Variants in UBLCP1 observed in about 807,000 individuals in gnomAD.
UBLCP1 encodes the protein ubiquitin-like domain-containing CTD phosphatase 1.
A neutral mutation model predicts 42.4 loss-of-function variants in UBLCP1; 28 were observed. That is an observed-to-expected ratio of 0.66 (90% CI 0.49 to 0.90). The LOEUF (loss-of-function observed/expected upper bound fraction) is 0.90, where lower values mean the gene tolerates loss of function less well. Ranked by LOEUF, UBLCP1 falls within the 40% of genes least tolerant of loss-of-function variation. The probability of loss-of-function intolerance (pLI) is 0.00; values close to 1 mark genes in which losing one functional copy is unlikely to be tolerated. For missense variants in UBLCP1, 279 were observed against 374.5 expected (o/e 0.75, Z 2.10); for synonymous variants, 122 against 120.8 (o/e 1.01, Z -0.07).
At position 159,263,330 on chromosome 5, in the gene UBLCP1, G is replaced by A. The variant is rs1753324058; in HGVS notation, c.-77G>A. ...CGGTCTCTCAGCGGCCGGTTTCTGCGTCCGCTGCCGCAGGTTCCACCGCGC... is the reference window on the plus strand; with the variant it reads ...CGGTCTCTCAGCGGCCGGTTTCTGCATCCGCTGCCGCAGGTTCCACCGCGC... On this transcript the variant is annotated 5_prime_UTR_variant, in exon 1 of 11. Coordinates refer to ENST00000296786, the MANE Select transcript of UBLCP1 (RefSeq NM_145049.5). 6.6e-6 allele frequency: 1 copy of A among 152,314 alleles called. No homozygotes were observed. Among genetic ancestry groups the A allele is most frequent in the Non-Finnish European group, 1.5e-5 (1 of 68,068 alleles). 9.4% of individuals were successfully genotyped at this position (152,314 alleles called of 1,614,324 possible). A position where few individuals can be genotyped will look rare whatever the true frequency, so the allele number is the denominator to read the frequency against.
intron 5 of UBLCP1, among the ~76,000 whole-genome samples, 169 bp from the exon 6 acceptor site, chr5:159,271,854 T>A (rs1753470605): frequency 6.6e-6 from 1 of 152,232 alleles, no homozygotes; most frequent in Non-Finnish European, 1.5e-5. Flanking sequence ...GATTTTAAAT[T>A]GTGTTTTGAA....
intron 1 of UBLCP1, among the ~76,000 whole-genome samples, chr5:159,268,239 T>G (rs1447942813): frequency 1.3e-5 from 2 of 152,260 alleles, no homozygotes; most frequent in African/African-American, 2.4e-5. Flanking sequence ...TGGAACATAG[T>G]AAGCTTTTAG....
intron 10 of UBLCP1, 93 bp from the exon 11 acceptor site, chr5:159,284,811 G>C (rs1753650742): frequency 5.4e-6 from 7 of 1,298,566 alleles, no homozygotes; most frequent in Non-Finnish European, 7.8e-6. Flanking sequence ...GAAATGTTTT[G>C]TCATTAGAAC....
chr5:159,263,502 C>G (rs1753329676), intron 1 of UBLCP1, 142 bp downstream of exon 1: 1 of 152,488 alleles, frequency 6.6e-6, no homozygotes. Context: ...CGCCCAGGCC[C>G]CTAGCCCCGG....
At chr5:159,278,057 T>C (rs17052533) in intron 8 of UBLCP1, among the ~76,000 whole-genome samples, 181 bp from the exon 9 acceptor site, 39,958 of 152,200 alleles carry the variant, frequency 0.26, 5,944 homozygotes, top group South Asian at 0.32. Context: ...TCAGAAGTTT[T>C]AATATTGCAA....
chr5:159,277,989 G>A (rs549088060), intron 8 of UBLCP1, among the ~76,000 whole-genome samples: 6 of 152,144 alleles, frequency 3.9e-5, no homozygotes, highest in African/African-American at 7.2e-5. Flanking sequence ...AAATCTTCAC[G>A]TTAAAATTAT....
At chr5:159,270,707 TG>T (rs1753454344) in intron 5 of UBLCP1, 64 bp downstream of exon 5, 4 of 1,134,684 alleles carry the variant, frequency 3.5e-6, no homozygotes, top group South Asian at 3.6e-5. Context: ...TTCTTTTCTT[TG>T]TTTTTTTTTT....
chr5:159,271,997 ATTAT>A, intron 5 of UBLCP1, 22 bp from the exon 6 acceptor site: 3 of 1,530,718 alleles, frequency 2.0e-6, no homozygotes, highest in Non-Finnish European at 2.7e-6. Flanking sequence ...TAAACTAATA[ATTAT>A]TTATGATCAA....
chr5:159,267,145 G>A (rs1753406850), intron 1 of UBLCP1, among the ~76,000 whole-genome samples: 1 of 152,174 alleles, frequency 6.6e-6, no homozygotes, highest in Admixed American at 6.5e-5. Context: ...GACACTCAAT[G>A]CCAGCCCGTG....
Position 159,268,849 on chromosome 5 carries a change from CATT to C in UBLCP1, c.-46-20_-46-18del. 1 of 1,536,622 alleles carries C rather than the reference CATT, an allele frequency of 6.5e-7. No individual in the cohort carries two copies. On this transcript the variant is annotated intron_variant, in intron 1 of 10. Coordinates refer to ENST00000296786, the MANE Select transcript of UBLCP1 (RefSeq NM_145049.5). Reference sequence around the variant, plus strand: ...TAAACAGTATCTATTTTAACTTGTTCATTTTTGTCTTCCTTTCCAGGTATTTTT... The same window carrying C: ...TAAACAGTATCTATTTTAACTTGTTCTTTGTCTTCCTTTCCAGGTATTTTT...
At chr5:159,268,708 G>A (rs1342995415) in intron 1 of UBLCP1, among the ~76,000 whole-genome samples, 162 bp from the exon 2 acceptor site, 1 of 152,174 alleles carries the variant, frequency 6.6e-6, no homozygotes. Context: ...TTAACTTTGA[G>A]TCCTAGTATC....
intron 6 of UBLCP1, among the ~76,000 whole-genome samples, chr5:159,274,132 C>G (rs894871811): frequency 2.0e-5 from 3 of 152,122 alleles, no homozygotes; most frequent in Non-Finnish European, 4.4e-5. Context: ...TTCACTGAAC[C>G]TGACTAGCTG....
At chr5:159,281,069 G>A (rs2113322305) in intron 9 of UBLCP1, among the ~76,000 whole-genome samples, 1 of 152,290 alleles carries the variant, frequency 6.6e-6, no homozygotes, top group East Asian at 1.9e-4. Context: ...TAGGTGCATA[G>A]ATTTTCACCC....
rs1247556581 is a variant in UBLCP1, at chr5:159,285,109, A to G, written c.*178A>G. 4 of 595,282 alleles carry G rather than the reference A, an allele frequency of 6.7e-6. No individual in the cohort carries two copies. The highest frequency in any genetic ancestry group is 8.7e-6 in the Non-Finnish European group (3 of 344,596). 36.9% of individuals were successfully genotyped at this position (595,282 alleles called of 1,614,324 possible). On this transcript the variant is annotated 3_prime_UTR_variant, in exon 11 of 11. Coordinates refer to ENST00000296786, the MANE Select transcript of UBLCP1 (RefSeq NM_145049.5). ...TTTTTGAAGATGATAGCAATATGCT[A>G]AAAAATGCTTGTCCCCTATATGAAT...
At chr5:159,281,242 T>C (rs1753602138) in intron 9 of UBLCP1, among the ~76,000 whole-genome samples, 1 of 152,242 alleles carries the variant, frequency 6.6e-6, no homozygotes, top group Non-Finnish European at 1.5e-5. Flanking sequence ...TTTCCTGCTG[T>C]TTAAATTTGG....
In UBLCP1 at chr5:159,268,987, T is replaced by C. The variant is rs1030268743; in HGVS notation, c.72T>C (p.Thr24=). 6.2e-6 allele frequency: 10 copies of C among 1,611,770 alleles called. No individual in the cohort carries two copies. The highest frequency in any genetic ancestry group is 8.5e-6 in the Non-Finnish European group (10 of 1,179,204). The part of the protein sequence containing the change: ...YSVTTLSEDD[T]VLDLKQFLKT... The stretch of plus-strand genomic sequence containing the variant: ...TGACCACACTTTCAGAAGATGATAC[T>C]GTGCTCGATCTCAAACAGTTTCTCA... The change falls in exon 2 of 11, where the codon ACT becomes ACC. Residue 24 remains threonine (T), a synonymous_variant. Coordinates refer to ENST00000296786, the MANE Select transcript of UBLCP1 (RefSeq NM_145049.5).
Position 159,280,902 on chromosome 5 carries a change from A to G in UBLCP1, c.802-2310A>G, listed in dbSNP as rs554647739. On this transcript the variant is annotated intron_variant, in intron 9 of 10. Transcript: ENST00000296786. The stretch of plus-strand genomic sequence containing the variant: ...ATTGTCTGTACAAGGAAATTATGAT[A>G]TAGGAGAATTCAGCTTATCTAGACA... Among the ~76,000 whole-genome samples, 6 of 152,340 alleles carry G rather than the reference A, an allele frequency of 3.9e-5. No homozygotes were observed. The South Asian group carries it at 1.2e-3, about 32-fold the overall frequency.
chr5:159,274,175 A>G (rs1403635502), intron 6 of UBLCP1, among the ~76,000 whole-genome samples: 2 of 152,206 alleles, frequency 1.3e-5, no homozygotes, highest in Non-Finnish European at 1.5e-5. Context: ...ACATAACAAT[A>G]TGCTTATATT....
Position 159,272,099 on chromosome 5 carries a change from A to C in UBLCP1, c.525A>C (p.Glu175Asp). 1 of 1,613,144 alleles carries C rather than the reference A, an allele frequency of 6.2e-7. No homozygotes were observed. Among genetic ancestry groups the C allele is most frequent in the South Asian group, 1.1e-5 (1 of 91,066 alleles). ...YLHEFLTSAYEDYDIVIWSAT... is the reference protein window; with the variant it reads ...YLHEFLTSAYDDYDIVIWSAT... ...ATGAATTTCTAACATCTGCCTATGA[A>C]GATTATGACATTGTTATTTGGTGTA... The change falls in exon 6 of 11, where the codon GAA (glutamate) becomes GAC (aspartate). Residue 175 changes from glutamate (E) to aspartate (D), a missense_variant. Physicochemically the swap from Glu to Asp is conservative, Grantham distance 45. Transcript: ENST00000296786.
Sources: allele counts gnomAD v4.1 joint callset (sites outside exome capture counted in the v4.1 genomes callset), GRCh38; gene constraint gnomAD v4.1.1; transcripts MANE v1.5; gene names NCBI Gene and HGNC (gene_info 2026-07-23, HGNC 2026-07-21).